TGIF2: variants seen among roughly 807,000 people sequenced by gnomAD.
TGIF2 encodes the protein homeobox protein TGIF2.
Under a neutral mutation model 15.1 loss-of-function variants are expected in TGIF2, and 5 were observed. The observed-to-expected ratio is 0.33, with a 90% confidence interval of 0.17 to 0.70. TGIF2 has a LOEUF of 0.70. Ranked by LOEUF, TGIF2 falls within the 30% of genes least tolerant of loss-of-function variation. TGIF2 has a pLI of 0.67. For missense variants in TGIF2, 264 were observed against 302.5 expected, an observed-to-expected ratio of 0.87 and a Z score of 0.94; for synonymous variants, 131 against 128.9, an observed-to-expected ratio of 1.02 and a Z score of -0.11.
rs185139604 is a variant in TGIF2 at position 36,582,091 on chromosome 20, C to T, written c.192+3125C>T. 2.4e-4 allele frequency among the ~76,000 whole-genome samples: 36 copies of T among 152,146 alleles called. No individual in the cohort carries two copies. In the East Asian group the frequency reaches 6.7e-3, roughly 28 times the overall value. ...TCTCTCCTAAAAATACAAAGTTAGC[C>T]AGACGTGGTGGCTCATGCCTGTACT... On this transcript the variant is annotated intron_variant, in intron 2 of 2. Coordinates refer to ENST00000373872, the MANE Select transcript of TGIF2 (RefSeq NM_021809.7).
chr20:36,586,393 A>C (rs1029094971), intron 2 of TGIF2, among the ~76,000 whole-genome samples: 4 of 152,030 alleles, frequency 2.6e-5, no homozygotes, highest in Middle Eastern at 3.2e-3. Context: ...AATCACTAAC[A>C]GTTTTTAAAA....
chr20:36,590,443 AG>A (rs1292082572), intron 2 of TGIF2, among the ~76,000 whole-genome samples: 1 of 152,148 alleles, frequency 6.6e-6, no homozygotes, highest in Admixed American at 6.5e-5. Context: ...TAGTAGAGAC[AG>A]GGTTTCACTA....
chr20:36,585,874 G>A (rs554271855), intron 2 of TGIF2, among the ~76,000 whole-genome samples: 1 of 152,260 alleles, frequency 6.6e-6, no homozygotes, highest in African/African-American at 2.4e-5. Context: ...CTCTGTGCTG[G>A]GTATACAGTG....
At chr20:36,587,819 CTT>C (rs1474397914) in intron 2 of TGIF2, among the ~76,000 whole-genome samples, 1 of 152,144 alleles carries the variant, frequency 6.6e-6, no homozygotes, top group African/African-American at 2.4e-5. Flanking sequence ...AATCCCAACA[CTT>C]TGGGAGGCTG....
chr20:36,593,148 G>A lies in TGIF2; in HGVS notation c.*1717G>A, dbSNP rs1362182824. ...AAACACTAATCCTAGGTTATTGCTA[G>A]CCAAAATATTTTTGTCCTGAGTAGT... On this transcript the variant is annotated 3_prime_UTR_variant, in exon 3 of 3. Coordinates refer to ENST00000373872, the MANE Select transcript of TGIF2 (RefSeq NM_021809.7). The A allele has an allele frequency of 6.6e-6, 1 of 152,584 alleles. No individual in the cohort carries two copies. Among genetic ancestry groups the A allele is most frequent in the Non-Finnish European group, 1.5e-5 (1 of 68,034 alleles). 9.5% of individuals were successfully genotyped at this position (152,584 alleles called of 1,614,324 possible). A position where few individuals can be genotyped will look rare whatever the true frequency, so the allele number is the denominator to read the frequency against.
chr20:36,584,708 A>T (rs560220370), intron 2 of TGIF2, among the ~76,000 whole-genome samples: 1 of 151,918 alleles, frequency 6.6e-6, no homozygotes, highest in African/African-American at 2.4e-5. Context: ...CACCAGGCTG[A>T]GCTAATTTTT....
intron 1 of TGIF2, among the ~76,000 whole-genome samples, chr20:36,576,551 A>C (rs1012236494): frequency 4.6e-5 from 7 of 152,162 alleles, no homozygotes; most frequent in Admixed American, 3.9e-4. Context: ...GGCCTGGTCC[A>C]AATCCGACTT....
intron 1 of TGIF2, among the ~76,000 whole-genome samples, chr20:36,576,303 A>G (rs1361272218): frequency 6.6e-6 from 1 of 152,106 alleles, no homozygotes; most frequent in African/African-American, 2.4e-5. Flanking sequence ...ATTCACCTGG[A>G]TTTTGAGTGG....
chr20:36,587,036 A>T (rs1347783940), intron 2 of TGIF2, among the ~76,000 whole-genome samples: 1 of 152,162 alleles, frequency 6.6e-6, no homozygotes, highest in African/African-American at 2.4e-5. Context: ...TGCCATATAC[A>T]TCACAGAGTT....
intron 1 of TGIF2, among the ~76,000 whole-genome samples, chr20:36,574,047 C>G (rs2038358186): frequency 6.7e-6 from 1 of 148,910 alleles, no homozygotes; most frequent in Admixed American, 6.7e-5. Flanking sequence ...CGATCCTGCA[C>G]CGGACCTGAG....
At chr20:36,582,242 A>AT (rs1444553860) in intron 2 of TGIF2, among the ~76,000 whole-genome samples, 1 of 152,150 alleles carries the variant, frequency 6.6e-6, no homozygotes, top group Non-Finnish European at 1.5e-5. Context: ...GTCTCAAAAA[A>AT]TAAAAAAATA....
intron 1 of TGIF2, among the ~76,000 whole-genome samples, chr20:36,577,554 G>A (rs1356265758): frequency 6.9e-6 from 1 of 144,390 alleles, no homozygotes. Flanking sequence ...GAGTCTCGCT[G>A]TGTCACTAGG....
At chr20:36,590,162 G>T (rs2038740308) in intron 2 of TGIF2, among the ~76,000 whole-genome samples, 1 of 152,112 alleles carries the variant, frequency 6.6e-6, no homozygotes, top group Admixed American at 6.5e-5. Context: ...TCACCATGTT[G>T]CCCAGGCTGG....
chr20:36,574,479 CTCCCCTCCCT>C (rs558947775), intron 1 of TGIF2: 1 of 151,214 alleles, frequency 6.6e-6, no homozygotes, highest in African/African-American at 2.4e-5. Context: ...GCCCAGCCCC[CTCCCCTCCCT>C]TCCCCTCCCC....
At position 36,591,508 on chromosome 20, in the gene TGIF2, G is replaced by T; in HGVS notation, c.*77G>T. ...GTTTTGGTTCCCTTTCATACAGAGGGTTTTCTATGGATCACTGCCAAACAT... is the reference window on the plus strand; with the variant it reads ...GTTTTGGTTCCCTTTCATACAGAGGTTTTTCTATGGATCACTGCCAAACAT... On this transcript the variant is annotated 3_prime_UTR_variant, in exon 3 of 3. Coordinates refer to ENST00000373872, the MANE Select transcript of TGIF2 (RefSeq NM_021809.7). The surrounding 1 kb of genome is among the most constrained non-coding windows in gnomAD (Gnocchi z 5.3). 1 of 1,442,696 alleles carries T rather than the reference G, an allele frequency of 6.9e-7. No individual in the cohort carries two copies. The highest frequency in any genetic ancestry group is 9.4e-7 in the Non-Finnish European group (1 of 1,066,008). 89.4% of individuals were successfully genotyped at this position (1,442,696 alleles called of 1,614,324 possible).
chr20:36,575,358 C>T (rs573218065), intron 1 of TGIF2, among the ~76,000 whole-genome samples: 8 of 151,458 alleles, frequency 5.3e-5, no homozygotes, highest in Admixed American at 2.0e-4. Flanking sequence ...TTTGTGTAGA[C>T]TGAGGGGTCA....
At chr20:36,588,523 GCTAAGCCCTTCCT>G (rs1386077710) in intron 2 of TGIF2, among the ~76,000 whole-genome samples, 1 of 151,942 alleles carries the variant, frequency 6.6e-6, no homozygotes, top group East Asian at 1.9e-4. Flanking sequence ...ACCACACCCT[GCTAAGCCCTTCCT>G]CTCTTTAGGG....
intron 2 of TGIF2, among the ~76,000 whole-genome samples, chr20:36,581,958 G>T (rs140593468): frequency 6.6e-6 from 1 of 152,010 alleles, no homozygotes; most frequent in South Asian, 2.1e-4. Flanking sequence ...TTTTTCGGCC[G>T]GGAATGGTGG....
chr20:36,578,984 A>C lies in TGIF2; in HGVS notation c.192+18A>C. 2.5e-6 allele frequency: 4 copies of C among 1,608,842 alleles called. No individual in the cohort carries two copies. Among genetic ancestry groups the C allele is most frequent in the Non-Finnish European group, 3.4e-6 (4 of 1,176,610 alleles). On this transcript the variant is annotated intron_variant, in intron 2 of 2. Transcript: ENST00000373872. Reference sequence around the variant, plus strand: ...TGCTGCAAGTAAGGAGGGGATCTGGATAAGGGGGTGGCAGGAGGACCTGGG... The same window carrying C: ...TGCTGCAAGTAAGGAGGGGATCTGGCTAAGGGGGTGGCAGGAGGACCTGGG...
Sources: gnomAD v4.1 joint callset for allele counts (sites outside exome capture counted in the v4.1 genomes callset) on GRCh38, gnomAD v4.1.1 for gene constraint, Gnocchi (gnomAD v3.1) non-coding constraint, MANE v1.5 for transcripts, NCBI Gene and HGNC (gene_info 2026-07-23, HGNC 2026-07-21) for gene names.